The following ACOXL variants were observed in gnomAD, a reference collection of about 807,000 sequenced individuals.
ACOXL encodes the protein acyl-coenzyme A oxidase-like protein.
Under a neutral mutation model 71.9 loss-of-function variants are expected in ACOXL, and 70 were observed. That is an observed-to-expected ratio of 0.97 (90% CI 0.80 to 1.19). The LOEUF (loss-of-function observed/expected upper bound fraction) is 1.19, where lower values mean the gene tolerates loss of function less well. Among genes scored for constraint, ACOXL ranks in the 50% most tolerant of loss-of-function variants. ACOXL has a pLI of 0.00. For synonymous variants in ACOXL, 253 were observed against 281.6 expected, an observed-to-expected ratio of 0.90 and a Z score of 1.02; for missense variants, 703 against 736.3, an observed-to-expected ratio of 0.95 and a Z score of 0.52.
intron 17 of ACOXL, among the ~76,000 whole-genome samples, chr2:111,105,798 A>G (rs1445340731): frequency 6.6e-6 from 1 of 152,128 alleles, no homozygotes; most frequent in African/African-American, 2.4e-5. Flanking sequence ...GCAAATAGAG[A>G]CAGTATTTCA....
chr2:111,047,275 G>C (rs917534264), intron 15 of ACOXL, among the ~76,000 whole-genome samples: 1 of 152,220 alleles, frequency 6.6e-6, no homozygotes, highest in Non-Finnish European at 1.5e-5. Flanking sequence ...CCAGTGCACA[G>C]GCAGTGAGAA....
intron 9 of ACOXL, among the ~76,000 whole-genome samples, chr2:110,806,748 C>CAGCG (rs1686694572): frequency 6.6e-6 from 1 of 152,158 alleles, no homozygotes; most frequent in African/African-American, 2.4e-5. Flanking sequence ...GCAAGGTGGT[C>CAGCG]AGCGGCCAGG....
At chr2:110,754,730 G>A (rs1679444752) in intron 1 of ACOXL, among the ~76,000 whole-genome samples, 3 of 152,170 alleles carry the variant, frequency 2.0e-5, no homozygotes, top group Admixed American at 2.0e-4. Flanking sequence ...TTATCCATTT[G>A]CCAGTGGCAT....
In ACOXL at chr2:110,968,008, G is replaced by A. The variant is rs535618942; in HGVS notation, c.1060-19100G>A. ...GATAGTAGTTCATCTAACCAACAGAGATATCATTAGTCAGATTGCTTATGC... is the reference window on the plus strand; with the variant it reads ...GATAGTAGTTCATCTAACCAACAGAAATATCATTAGTCAGATTGCTTATGC... On this transcript the variant is annotated intron_variant, in intron 12 of 17. Transcript: ENST00000439055. 1.9e-4 allele frequency: 187 copies of A among 984,242 alleles called. 1 individual carries two copies. In the South Asian group the frequency reaches 2.3e-3, roughly 12 times the overall value. 61.0% of individuals were successfully genotyped at this position (984,242 alleles called of 1,614,324 possible).
chr2:110,934,946 A>G (rs986182096), intron 12 of ACOXL, among the ~76,000 whole-genome samples: 1 of 152,166 alleles, frequency 6.6e-6, no homozygotes, highest in Non-Finnish European at 1.5e-5. Flanking sequence ...AGCTGGGGCA[A>G]TGGCGCGATG....
chr2:111,039,564 G>A (rs192860671), intron 15 of ACOXL, among the ~76,000 whole-genome samples: 7 of 152,278 alleles, frequency 4.6e-5, no homozygotes, highest in South Asian at 2.1e-4. Flanking sequence ...CTACTGACAC[G>A]TAGAATCTCA....
intron 17 of ACOXL, among the ~76,000 whole-genome samples, chr2:111,109,235 A>G (rs1466766137): frequency 1.3e-5 from 2 of 152,226 alleles, no homozygotes; most frequent in Admixed American, 6.5e-5. Flanking sequence ...TCTCCTATTA[A>G]TGGACATTTA....
intron 14 of ACOXL, among the ~76,000 whole-genome samples, chr2:111,011,083 A>G (rs745331367): frequency 2.0e-4 from 30 of 152,244 alleles, no homozygotes; most frequent in Non-Finnish European, 2.9e-4. Flanking sequence ...GATGGTTTAT[A>G]GCAAAATAAT....
intron 14 of ACOXL, among the ~76,000 whole-genome samples, chr2:110,998,565 A>G (rs1178889741): frequency 6.6e-6 from 1 of 152,190 alleles, no homozygotes; most frequent in Non-Finnish European, 1.5e-5. Context: ...TTTCCCATTA[A>G]TTGTGATATC....
intron 14 of ACOXL, among the ~76,000 whole-genome samples, chr2:111,021,230 C>T (rs1003725422): frequency 6.6e-6 from 1 of 152,116 alleles, no homozygotes; most frequent in African/African-American, 2.4e-5. Flanking sequence ...GACCTGGGCT[C>T]AGCATTTCAC....
chr2:110,821,138 T>C (rs1330006559), intron 9 of ACOXL, among the ~76,000 whole-genome samples: 1 of 152,224 alleles, frequency 6.6e-6, no homozygotes, highest in African/African-American at 2.4e-5. Context: ...TCAAAGCCCC[T>C]GGTTCCATGG....
At chr2:110,996,084 T>C (rs527924823) in intron 14 of ACOXL, 80 bp downstream of exon 14, 1 of 1,203,824 alleles carries the variant, frequency 8.3e-7, no homozygotes, top group South Asian at 1.2e-5. Context: ...CTGTTAAGTT[T>C]AGTAGAGGAT....
intron 17 of ACOXL, among the ~76,000 whole-genome samples, chr2:111,105,390 A>G (rs1008524699): frequency 5.3e-5 from 8 of 152,158 alleles, no homozygotes; most frequent in African/African-American, 1.7e-4. Context: ...TTTGATAGGT[A>G]TTGCATTAAA....
At chr2:111,001,769 G>C (rs544061390) in intron 14 of ACOXL, among the ~76,000 whole-genome samples, 1 of 152,304 alleles carries the variant, frequency 6.6e-6, no homozygotes, top group South Asian at 2.1e-4. Context: ...CACCTGAGGA[G>C]CCTTATTTGC....
intron 17 of ACOXL, among the ~76,000 whole-genome samples, chr2:111,108,403 A>C (rs2069704745): frequency 1.3e-5 from 1 of 79,248 alleles, no homozygotes; most frequent in Non-Finnish European, 2.3e-5. Context: ...TTGGAGACAG[A>C]GTTTCACTCT....
chr2:110,814,584 A>C (rs983983258), intron 9 of ACOXL, among the ~76,000 whole-genome samples: 1 of 152,210 alleles, frequency 6.6e-6, no homozygotes, highest in Non-Finnish European at 1.5e-5. Context: ...ACAGGCTCTA[A>C]GAAGGGAAGC....
At chr2:110,985,164 A>G (rs2062872757) in intron 12 of ACOXL, among the ~76,000 whole-genome samples, 1 of 28,608 alleles carries the variant, frequency 3.5e-5, no homozygotes, top group Non-Finnish European at 6.5e-5. Flanking sequence ...ATGGAACTGG[A>G]TTGCTATTAT....
intron 12 of ACOXL, among the ~76,000 whole-genome samples, chr2:110,965,481 A>G (rs1271192676): frequency 6.6e-6 from 1 of 152,162 alleles, no homozygotes; most frequent in Non-Finnish European, 1.5e-5. Context: ...GCCTAAAACA[A>G]TTTTTATGTT....
At chr2:111,088,532 C>G (rs901050376) in intron 16 of ACOXL, among the ~76,000 whole-genome samples, 19 of 152,258 alleles carry the variant, frequency 1.2e-4, no homozygotes, top group African/African-American at 4.6e-4. Flanking sequence ...AGCCCAGGAA[C>G]AGAAAACCAA....
Sources: gnomAD v4.1 joint callset for allele counts (sites outside exome capture counted in the v4.1 genomes callset) on GRCh38, gnomAD v4.1.1 for gene constraint, MANE v1.5 for transcripts, NCBI Gene and HGNC (gene_info 2026-07-23, HGNC 2026-07-21) for gene names.